Variants in HPS6 observed in about 807,000 individuals in gnomAD.
HPS6 encodes HPS6 biogenesis of lysosomal organelles complex 2 subunit 3.
In HPS6, 46 loss-of-function variants were observed where a neutral mutation model predicts 53.6. The observed-to-expected ratio is 0.86, with a 90% confidence interval of 0.68 to 1.10. The LOEUF is 1.10. HPS6 is among the 50% of genes least tolerant of loss of function. The pLI, the probability that HPS6 is intolerant of heterozygous loss-of-function variation, is 0.00. For synonymous variants in HPS6, 535 were observed against 470.8 expected (o/e 1.14, Z -1.77); for missense variants, 1,034 against 991.3 (o/e 1.04, Z -0.58).
rs1338772906 is a variant in HPS6 at position 102,067,835 on chromosome 10, G to C, written c.*33G>C. On this transcript the variant is annotated 3_prime_UTR_variant, in exon 1 of 1. Coordinates refer to ENST00000299238, the MANE Select transcript of HPS6 (RefSeq NM_024747.6). ...TCAGGCATCAGAACACTCAGGGCCT[G>C]GAGGCTTGCTTGGGACTGGAGGCTT... The C allele has an allele frequency of 6.2e-7, 1 of 1,611,544 alleles. No individual in the cohort carries two copies. The highest frequency in any genetic ancestry group is 1.1e-5 in the South Asian group (1 of 91,016).
rs1252973021 is a variant in HPS6 at position 102,065,967 on chromosome 10, G to C, written c.493G>C (p.Val165Leu). The C allele has an allele frequency of 3.1e-6, 5 of 1,596,782 alleles. No homozygotes were observed. The highest frequency in any genetic ancestry group is 4.2e-6 in the Non-Finnish European group (5 of 1,179,008). ...AGCCGCTTTCAGCCACTGTGTGTGC[G>C]TCCGGACTCTGGAGCCCAGCGGGGA... Reference protein sequence around the residue: ...PAAAFSHCVCVRTLEPSGEAS... With the variant: ...PAAAFSHCVCLRTLEPSGEAS... The change falls in exon 1 of 1, where the codon GTC (valine) becomes CTC (leucine). Residue 165 changes from valine (V) to leucine (L), a missense_variant. Physicochemically the swap from Val to Leu is conservative, Grantham distance 32. Coordinates refer to ENST00000299238, the MANE Select transcript of HPS6 (RefSeq NM_024747.6).
chr10:102,065,685 T>C lies in HPS6; in HGVS notation c.211T>C (p.Trp71Arg). The C allele has an allele frequency of 2.0e-6, 3 of 1,521,652 alleles. No homozygotes were observed. The highest frequency in any genetic ancestry group is 2.6e-5 in the East Asian group (1 of 38,546). 94.3% of individuals were successfully genotyped at this position (1,521,652 alleles called of 1,614,324 possible). A position where few individuals can be genotyped will look rare whatever the true frequency, so the allele number is the denominator to read the frequency against. ...RGPGAELERA[W>R]PAGQPSPLDA... is the part of the protein sequence containing the mutation. ...GCCCGGCGCGGAGCTAGAGCGGGCC[T>C]GGCCGGCCGGCCAGCCCTCCCCGCT... The change falls in exon 1 of 1, where the codon TGG (tryptophan) becomes CGG (arginine). Residue 71 changes from tryptophan to arginine, a missense_variant. Coordinates refer to ENST00000299238, the MANE Select transcript of HPS6 (RefSeq NM_024747.6).
In HPS6 at chr10:102,065,803, C is replaced by T. The variant is rs908561001; in HGVS notation, c.329C>T (p.Pro110Leu). 3 of 1,487,546 alleles carry T rather than the reference C, an allele frequency of 2.0e-6. No homozygotes were observed. The African/African-American group carries it at 4.4e-5, about 22-fold the overall frequency. The allele number at this position is 1,487,546 out of a possible 1,614,324, so 92.1% of individuals were successfully genotyped here. ...LAEVWGAGVGPGWRPLQSTEL... is the reference protein window; with the variant it reads ...LAEVWGAGVGLGWRPLQSTEL... ...GAGGTGTGGGGCGCGGGCGTGGGGC[C>T]TGGCTGGCGGCCGCTGCAGAGCACC... The change falls in exon 1 of 1, where the codon CCT becomes CTT. Residue 110 changes from proline to leucine, a missense_variant. By Grantham distance (98) the Pro-to-Leu change is moderately conservative (BLOSUM62 -3). Transcript: ENST00000299238.
Position 102,065,486 on chromosome 10 carries a change from G to C in HPS6, c.12G>C (p.Ser4=), listed in dbSNP as rs779765822. The C allele has an allele frequency of 2.6e-6, 4 of 1,559,946 alleles. No individual in the cohort carries two copies. Among genetic ancestry groups the C allele is most frequent in the East Asian group, 2.4e-5 (1 of 41,304 alleles). Residue 4 remains serine (S), a synonymous_variant, in exon 1 of 1, where the codon TCG becomes TCC. Coordinates refer to ENST00000299238, the MANE Select transcript of HPS6 (RefSeq NM_024747.6). ...CGCGCAGCGGCGCCATGAAGCGCTCGGGGACTCTGCGGCTGCTCTCGGACC... is the reference window on the plus strand; with the variant it reads ...CGCGCAGCGGCGCCATGAAGCGCTCCGGGACTCTGCGGCTGCTCTCGGACC... MKR[S]GTLRLLSDLS...
chr10:102,066,992 C>T lies in HPS6; in HGVS notation c.1518C>T (p.Leu506=). ...TGATAGGAGACCAGCTAGCCCAGCT[C>T]AACACCGTTTTCCAAGCCCTTCCTA... ...TELIGDQLAQ[L]NTVFQALPTA... The change falls in exon 1 of 1, where the codon CTC becomes CTT. Residue 506 remains leucine, a synonymous_variant. Coordinates refer to ENST00000299238, the MANE Select transcript of HPS6 (RefSeq NM_024747.6). 1 of 1,614,212 alleles carries T rather than the reference C, an allele frequency of 6.2e-7. No individual in the cohort carries two copies. Among genetic ancestry groups the T allele is most frequent in the Non-Finnish European group, 8.5e-7 (1 of 1,180,038 alleles).
In HPS6 at chr10:102,066,540, C is replaced by T; in HGVS notation, c.1066C>T (p.Leu356=). Reference sequence around the variant, plus strand: ...CCTAAGTACAGACAGGGTACATCTGCTAGAACCGCCAGCCCCCGGCATGGA... The same window carrying T: ...CCTAAGTACAGACAGGGTACATCTGTTAGAACCGCCAGCCCCCGGCATGGA... ...KVLSTDRVHL[L]EPPAPGMEDE... is the part of the protein sequence containing the mutation. The change falls in exon 1 of 1, where the codon CTA becomes TTA. Residue 356 remains leucine (L), a synonymous_variant. Coordinates refer to ENST00000299238, the MANE Select transcript of HPS6 (RefSeq NM_024747.6). 1 of 1,614,144 alleles carries T rather than the reference C, an allele frequency of 6.2e-7. No homozygotes were observed. Among genetic ancestry groups the T allele is most frequent in the Non-Finnish European group, 8.5e-7 (1 of 1,180,028 alleles).
Position 102,066,816 on chromosome 10 carries a change from C to T in HPS6, c.1342C>T (p.Pro448Ser), listed in dbSNP as rs779210379. The T allele has an allele frequency of 3.1e-6, 5 of 1,614,102 alleles. No individual in the cohort carries two copies. The highest frequency in any genetic ancestry group is 4.2e-6 in the Non-Finnish European group (5 of 1,180,048). ...LASILQGHLP[P>S]SALLTMLRTE... ...CTCCATCCTCCAGGGCCACCTGCCC[C>T]CATCTGCACTGCTGACCATGTTGAG... Residue 448 changes from proline to serine, a missense_variant, in exon 1 of 1, where the codon CCA (proline) becomes TCA (serine). By Grantham distance (74) the Pro-to-Ser change is moderately conservative (BLOSUM62 -1). Transcript: ENST00000299238.
At position 102,065,585 on chromosome 10, in the gene HPS6, T is replaced by G. The variant is rs1457201254; in HGVS notation, c.111T>G (p.Ser37Arg). 2 of 1,543,396 alleles carry G rather than the reference T, an allele frequency of 1.3e-6. No homozygotes were observed. The highest frequency in any genetic ancestry group is 2.5e-5 in the East Asian group (1 of 39,874). Residue 37 changes from serine (S) to arginine (R), a missense_variant, in exon 1 of 1, where the codon AGT becomes AGG. Coordinates refer to ENST00000299238, the MANE Select transcript of HPS6 (RefSeq NM_024747.6). ...ACTCAGCGGTCCGAGTCCGTGGCAG[T>G]CCGGACGGCCGCCACTTGCTGCTCC... The part of the protein sequence containing the change: ...AGDSAVRVRG[S>R]PDGRHLLLLR...
chr10:102,065,820 C>A lies in HPS6; in HGVS notation c.346C>A (p.Gln116Lys). The A allele has an allele frequency of 6.6e-7, 1 of 1,508,884 alleles. No individual in the cohort carries two copies. The highest frequency in any genetic ancestry group is 8.8e-7 in the Non-Finnish European group (1 of 1,136,404). The allele number at this position is 1,508,884 out of a possible 1,614,324, so 93.5% of individuals were successfully genotyped here. ...CGTGGGGCCTGGCTGGCGGCCGCTG[C>A]AGAGCACCGAGCTGTGTCCGGGCGG... The part of the protein sequence containing the change: ...AGVGPGWRPL[Q>K]STELCPGGGA... Residue 116 changes from glutamine (Q) to lysine (K), a missense_variant, in exon 1 of 1, where the codon CAG (glutamine) becomes AAG (lysine). By Grantham distance (53) the Gln-to-Lys change is moderately conservative. Coordinates refer to ENST00000299238, the MANE Select transcript of HPS6 (RefSeq NM_024747.6).
Position 102,066,329 on chromosome 10 carries a change from CG to C in HPS6, c.860del (p.Gly287AlafsTer3). ...TPQGLLLLDF[G>X]GTVSLLQSHG... The stretch of plus-strand genomic sequence containing the variant: ...CCCAGGGCCTGCTGTTGCTTGACTT[CG>C]GGGGCACTGTGAGCCTATTGCAGTC... On this transcript the variant is annotated frameshift_variant, in exon 1 of 1. Transcript: ENST00000299238. LOFTEE classifies it high-confidence loss of function. 2 of 1,614,002 alleles carry C rather than the reference CG, an allele frequency of 1.2e-6. No individual in the cohort carries two copies. The highest frequency in any genetic ancestry group is 2.7e-5 in the African/African-American group (2 of 75,046).
At position 102,067,828 on chromosome 10, in the gene HPS6, A is replaced by G. The variant is rs2067983504; in HGVS notation, c.*26A>G. 2 of 1,611,990 alleles carry G rather than the reference A, an allele frequency of 1.2e-6. No individual in the cohort carries two copies. The highest frequency in any genetic ancestry group is 1.7e-5 in the Admixed American group (1 of 60,002). ...CTACCCTTCAGGCATCAGAACACTC[A>G]GGGCCTGGAGGCTTGCTTGGGACTG... is the stretch of plus-strand genomic sequence containing the variant. On this transcript the variant is annotated 3_prime_UTR_variant, in exon 1 of 1. Transcript: ENST00000299238.
At position 102,066,020 on chromosome 10, in the gene HPS6, C is replaced by T. The variant is rs778159762; in HGVS notation, c.546C>T (p.His182=). The change falls in exon 1 of 1, where the codon CAC becomes CAT. Residue 182 remains histidine (H), a synonymous_variant. Transcript: ENST00000299238. Reference sequence around the variant, plus strand: ...CTAGCACCAGCCTGGGCCGCACACACGTCCTGCTGCACCACTGCCCTGCCT... The same window carrying T: ...CTAGCACCAGCCTGGGCCGCACACATGTCCTGCTGCACCACTGCCCTGCCT... The part of the protein sequence containing the change: ...GEASTSLGRT[H]VLLHHCPAFG... 6 of 1,605,792 alleles carry T rather than the reference C, an allele frequency of 3.7e-6. No homozygotes were observed. The highest frequency in any genetic ancestry group is 2.2e-5 in the East Asian group (1 of 44,872).
chr10:102,065,380 T>G lies in HPS6; in HGVS notation c.-95T>G, dbSNP rs1442167406. 2 of 1,300,448 alleles carry G rather than the reference T, an allele frequency of 1.5e-6. No homozygotes were observed. The highest frequency in any genetic ancestry group is 2.1e-6 in the Non-Finnish European group (2 of 973,544). The allele number at this position is 1,300,448 out of a possible 1,614,324, so 80.6% of individuals were successfully genotyped here. ...TCACCTCATCCACGGGAGACGGAAG[T>G]CTTGGCCCTGCTCCGCTCCCCCGAG... On this transcript the variant is annotated 5_prime_UTR_variant, in exon 1 of 1. Coordinates refer to ENST00000299238, the MANE Select transcript of HPS6 (RefSeq NM_024747.6).
At position 102,066,166 on chromosome 10, in the gene HPS6, C is replaced by G. The variant is rs754025975; in HGVS notation, c.692C>G (p.Pro231Arg). 90 of 1,613,668 alleles carry G rather than the reference C, an allele frequency of 5.6e-5. No individual in the cohort carries two copies. Among genetic ancestry groups the G allele is most frequent in the Non-Finnish European group, 7.2e-5 (85 of 1,180,050 alleles). Residue 231 changes from proline to arginine, a missense_variant, in exon 1 of 1, where the codon CCA (proline) becomes CGA (arginine). Transcript: ENST00000299238. ...AAGGGCAAAGTGATGGTGGCTGCCC[C>G]ACGGCTTGGTCTCTCCTACAGTAAG... is the stretch of plus-strand genomic sequence containing the variant. ...PGKGKVMVAAPRLGLSYSKSL... is the reference protein window; with the variant it reads ...PGKGKVMVAARRLGLSYSKSL...
At position 102,066,815 on chromosome 10, in the gene HPS6, C is replaced by A; in HGVS notation, c.1341C>A (p.Pro447=). The change falls in exon 1 of 1, where the codon CCC becomes CCA. Residue 447 remains proline (P), a synonymous_variant. Transcript: ENST00000299238. ...ALASILQGHL[P]PSALLTMLRT... ...CCTCCATCCTCCAGGGCCACCTGCC[C>A]CCATCTGCACTGCTGACCATGTTGA... 6.2e-7 allele frequency: 1 copy of A among 1,614,196 alleles called. No individual in the cohort carries two copies.
In HPS6 at chr10:102,065,884, G is replaced by A; in HGVS notation, c.410G>A (p.Arg137His). The A allele has an allele frequency of 3.3e-6, 5 of 1,535,308 alleles. No homozygotes were observed. Among genetic ancestry groups the A allele is most frequent in the Non-Finnish European group, 4.4e-6 (5 of 1,147,022 alleles). The change falls in exon 1 of 1, where the codon CGC becomes CAC. Residue 137 changes from arginine (R) to histidine (H), a missense_variant. By Grantham distance (29) the Arg-to-His change is conservative. Coordinates refer to ENST00000299238, the MANE Select transcript of HPS6 (RefSeq NM_024747.6). ...GTGGCAGTGGCGGCGCTCCGAGGCC[G>A]CCTGGTGTGGTGCGAGGAGCGGCAG... ...RVVAVAALRGRLVWCEERQAR... is the reference protein window; with the variant it reads ...RVVAVAALRGHLVWCEERQAR...
At position 102,065,381 on chromosome 10, in the gene HPS6, C is replaced by T; in HGVS notation, c.-94C>T. On this transcript the variant is annotated 5_prime_UTR_variant, in exon 1 of 1. Coordinates refer to ENST00000299238, the MANE Select transcript of HPS6 (RefSeq NM_024747.6). Reference sequence around the variant, plus strand: ...CACCTCATCCACGGGAGACGGAAGTCTTGGCCCTGCTCCGCTCCCCCGAGA... The same window carrying T: ...CACCTCATCCACGGGAGACGGAAGTTTTGGCCCTGCTCCGCTCCCCCGAGA... 4.6e-6 allele frequency: 6 copies of T among 1,314,662 alleles called. No homozygotes were observed. The highest frequency in any genetic ancestry group is 6.1e-6 in the Non-Finnish European group (6 of 985,434). 81.4% of individuals were successfully genotyped at this position (1,314,662 alleles called of 1,614,324 possible).
rs754952770 is a variant in HPS6, at chr10:102,066,011, C to A, written c.537C>A (p.Gly179=). Reference sequence around the variant, plus strand: ...GCGGGGAAGCTAGCACCAGCCTGGGCCGCACACACGTCCTGCTGCACCACT... The same window carrying A: ...GCGGGGAAGCTAGCACCAGCCTGGGACGCACACACGTCCTGCTGCACCACT... ...EPSGEASTSL[G]RTHVLLHHCP... Residue 179 remains glycine (G), a synonymous_variant, in exon 1 of 1, where the codon GGC becomes GGA. Transcript: ENST00000299238. 3.7e-6 allele frequency: 6 copies of A among 1,604,296 alleles called. No individual in the cohort carries two copies. In the South Asian group the frequency reaches 6.6e-5, roughly 18 times the overall value.
Position 102,066,514 on chromosome 10 carries a change from T to G in HPS6, c.1040T>G (p.Val347Gly). The change falls in exon 1 of 1, where the codon GTC becomes GGC. Residue 347 changes from valine (V) to glycine (G), a missense_variant. Coordinates refer to ENST00000299238, the MANE Select transcript of HPS6 (RefSeq NM_024747.6). ...MGSGQLLERK[V>G]LSTDRVHLLE... ...AGTGGGCAGCTGCTGGAGAGGAAGG[T>G]CCTAAGTACAGACAGGGTACATCTG... The G allele has an allele frequency of 1.9e-6, 3 of 1,613,980 alleles. No homozygotes were observed. The highest frequency in any genetic ancestry group is 2.5e-6 in the Non-Finnish European group (3 of 1,180,006).
Sources: allele counts gnomAD v4.1 joint callset, GRCh38; gene constraint gnomAD v4.1.1; transcripts MANE v1.5; gene names NCBI Gene and HGNC (gene_info 2026-07-23, HGNC 2026-07-21).